Variants in ZNF507 observed in about 807,000 individuals in gnomAD.
The protein encoded by ZNF507 is zinc finger protein 507.
A neutral mutation model predicts 80.0 loss-of-function variants in ZNF507; 29 were observed. The observed-to-expected ratio is 0.36, with a 90% CI of 0.27 to 0.49. ZNF507 has a LOEUF of 0.49. Among genes scored for constraint, ZNF507 ranks in the 20% least tolerant of loss-of-function variants. ZNF507 has a pLI of 0.98. For synonymous variants in ZNF507, 462 were observed against 422.5 expected, an observed-to-expected ratio of 1.09 and a Z score of -1.15; for missense variants, 1,081 against 1,152.2, an observed-to-expected ratio of 0.94 and a Z score of 0.90.
At position 32,382,909 on chromosome 19, in the gene ZNF507, C is replaced by A. The variant is rs1967642865; in HGVS notation, c.2688C>A (p.Ile896=). The part of the protein sequence containing the change: ...TSNTSYSLEK[I]SSLAPPSMEY... ...ATACCTCATATAGTTTAGAAAAAATCTCCAGTCTGGCCCCTCCTAGCATGG... is the reference window on the plus strand; with the variant it reads ...ATACCTCATATAGTTTAGAAAAAATATCCAGTCTGGCCCCTCCTAGCATGG... Residue 896 remains isoleucine (I), a synonymous_variant, in exon 7 of 7, where the codon ATC becomes ATA. Transcript: ENST00000355898. 6 of 1,614,142 alleles carry A rather than the reference C, an allele frequency of 3.7e-6. No individual in the cohort carries two copies. In the South Asian group the frequency reaches 5.5e-5, roughly 15 times the overall value.
In ZNF507 at chr19:32,354,689, A is replaced by G; in HGVS notation, c.1859A>G (p.Asn620Ser). 1 of 1,614,180 alleles carries G rather than the reference A, an allele frequency of 6.2e-7. No individual in the cohort carries two copies. The highest frequency in any genetic ancestry group is 1.1e-5 in the South Asian group (1 of 91,080). Residue 620 changes from asparagine (N) to serine (S), a missense_variant, in exon 3 of 7, where the codon AAC (asparagine) becomes AGC (serine). Coordinates refer to ENST00000355898, the MANE Select transcript of ZNF507 (RefSeq NM_001136156.2). ...ELQDNAQCQP[N>S]SDTSLSGNNV... ...CAGGACAACGCCCAGTGCCAACCCA[A>G]CAGCGATACAAGTTTGTCCGGAAAC...
intron 5 of ZNF507, among the ~76,000 whole-genome samples, chr19:32,379,097 G>C (rs1967591208): frequency 6.6e-6 from 1 of 152,188 alleles, no homozygotes; most frequent in South Asian, 2.1e-4. Context: ...AGAGACATTT[G>C]AGCAGGGGAC....
intron 2 of ZNF507, among the ~76,000 whole-genome samples, chr19:32,349,503 G>A (rs746303842): frequency 5.3e-5 from 8 of 152,194 alleles, no homozygotes; most frequent in Non-Finnish European, 1.2e-4. Flanking sequence ...GTACCATTGC[G>A]TTGTTTAAAT....
At chr19:32,372,773 G>C (rs1967491801) in intron 5 of ZNF507, among the ~76,000 whole-genome samples, 1 of 151,256 alleles carries the variant, frequency 6.6e-6, no homozygotes, top group Non-Finnish European at 1.5e-5. Context: ...CCCAAACACA[G>C]AAACCTCCCA....
intron 5 of ZNF507, among the ~76,000 whole-genome samples, chr19:32,377,227 A>G (rs998230948): frequency 6.6e-6 from 1 of 152,002 alleles, no homozygotes; most frequent in African/African-American, 2.4e-5. Flanking sequence ...TTTCCTTGAC[A>G]CTGACGCTAC....
rs1466730196 is a variant in ZNF507, at chr19:32,386,675, C to G, written c.*3592C>G. ...ATGCCTTAAAGCGGAAACTCTAGGA[C>G]TGTGTTCATGGGAGAGCAGTTCATC... On this transcript the variant is annotated 3_prime_UTR_variant, in exon 7 of 7. Transcript: ENST00000355898. The G allele has an allele frequency of 6.6e-6, 1 of 152,602 alleles. No homozygotes were observed. The highest frequency in any genetic ancestry group is 1.5e-5 in the Non-Finnish European group (1 of 68,048). 9.5% of individuals were successfully genotyped at this position (152,602 alleles called of 1,614,324 possible). A position where few individuals can be genotyped will look rare whatever the true frequency, so the allele number is the denominator to read the frequency against.
rs968499107 is a variant in ZNF507 at position 32,386,256 on chromosome 19, T to C, written c.*3173T>C. ...TGGCTTCATAATTTTCTGTTTTTTT[T>C]CTCACAAAGTAAATGGTGGGCATCC... On this transcript the variant is annotated 3_prime_UTR_variant, in exon 7 of 7. Transcript: ENST00000355898. 5.2e-5 allele frequency: 8 copies of C among 152,636 alleles called. No individual in the cohort carries two copies. The highest frequency in any genetic ancestry group is 1.9e-4 in the East Asian group (1 of 5,196). The allele number at this position is 152,636 out of a possible 1,614,324, so 9.5% of individuals were successfully genotyped here.
intron 4 of ZNF507, chr19:32,359,627 C>G (rs1304173483): frequency 6.6e-6 from 1 of 152,220 alleles, no homozygotes; most frequent in East Asian, 1.9e-4. Context: ...CTTACCCCAA[C>G]TTGAATTACT....
At chr19:32,370,721 GAA>G (rs1226464777) in intron 5 of ZNF507, among the ~76,000 whole-genome samples, 3 of 152,158 alleles carry the variant, frequency 2.0e-5, no homozygotes, top group Admixed American at 2.0e-4. Context: ...TTGCTGTGCA[GAA>G]GTTTTTTGGT....
At chr19:32,349,249 T>A (rs979483283) in intron 2 of ZNF507, among the ~76,000 whole-genome samples, 2 of 152,200 alleles carry the variant, frequency 1.3e-5, no homozygotes, top group East Asian at 1.9e-4. Context: ...TTGGCTGACC[T>A]CAACCAGAAG....
At position 32,345,745 on chromosome 19, in the gene ZNF507, A is replaced by G. The variant is rs1269993175; in HGVS notation, c.-135A>G. On this transcript the variant is annotated 5_prime_UTR_variant, in exon 1 of 7. Transcript: ENST00000355898. ...GCACGGCCGGGTCCTGGCTGGCCAAACGAGGCTCGCGGAAGCAGCAGCCGC... is the reference window on the plus strand; with the variant it reads ...GCACGGCCGGGTCCTGGCTGGCCAAGCGAGGCTCGCGGAAGCAGCAGCCGC... The G allele has an allele frequency of 3.3e-5, 5 of 152,920 alleles. No individual in the cohort carries two copies. Among genetic ancestry groups the G allele is most frequent in the Non-Finnish European group, 7.3e-5 (5 of 68,468 alleles). 9.5% of individuals were successfully genotyped at this position (152,920 alleles called of 1,614,324 possible). A position where few individuals can be genotyped will look rare whatever the true frequency, so the allele number is the denominator to read the frequency against.
chr19:32,376,873 A>G (rs968715811), intron 5 of ZNF507, among the ~76,000 whole-genome samples: 1 of 152,152 alleles, frequency 6.6e-6, no homozygotes, highest in Non-Finnish European at 1.5e-5. Context: ...TCCACTGGAC[A>G]GGGGGCCCTT....
intron 5 of ZNF507, among the ~76,000 whole-genome samples, chr19:32,374,413 A>G (rs1436476549): frequency 2.7e-5 from 4 of 150,696 alleles, no homozygotes; most frequent in African/African-American, 4.9e-5. Flanking sequence ...GTTAAGGTAT[A>G]TCATTATATT....
chr19:32,380,355 CAA>C (rs994679479), intron 5 of ZNF507, among the ~76,000 whole-genome samples: 1 of 146,134 alleles, frequency 6.8e-6, no homozygotes, highest in African/African-American at 2.5e-5. Context: ...GACCCTGTCT[CAA>C]AAAAAAAAGA....
intron 2 of ZNF507, among the ~76,000 whole-genome samples, chr19:32,351,535 G>GGGGGGGGGAGC (rs901951859): frequency 2.6e-5 from 2 of 75,610 alleles, no homozygotes; most frequent in African/African-American, 5.5e-5. Context: ...CGTGGGGGCG[G>GGGGGGGGGAGC]GCGGGGCCTG....
intron 5 of ZNF507, among the ~76,000 whole-genome samples, chr19:32,378,428 T>C (rs1967581189): frequency 6.6e-6 from 1 of 152,136 alleles, no homozygotes; most frequent in African/African-American, 2.4e-5. Flanking sequence ...AAAGCCATGT[T>C]GTCCTGGATG....
chr19:32,352,071 G>GAA (rs58546902), intron 2 of ZNF507, among the ~76,000 whole-genome samples: 43 of 136,276 alleles, frequency 3.2e-4, no homozygotes, highest in Non-Finnish European at 4.2e-4. Flanking sequence ...CCCTTTCAGG[G>GAA]AAAAAAAAAA....
Position 32,353,656 on chromosome 19 carries a change from T to G in ZNF507, c.826T>G (p.Cys276Gly), listed in dbSNP as rs1163344320. 2 of 1,614,200 alleles carry G rather than the reference T, an allele frequency of 1.2e-6. No homozygotes were observed. The highest frequency in any genetic ancestry group is 1.7e-6 in the Non-Finnish European group (2 of 1,180,036). The change falls in exon 3 of 7, where the codon TGC becomes GGC. Residue 276 changes from cysteine to glycine, a missense_variant. Cys to Gly is a radical substitution (Grantham distance 159). Around this residue, in one of 6 missense-constraint regions of ZNF507, gnomAD observed 614 missense variants for 583.9 expected, o/e 1.05. Transcript: ENST00000355898. ...HAWKHAGEVD[C>G]SYPIFENENE... ...TTGGAAACATGCTGGGGAGGTTGAT[T>G]GCTCCTATCCAATCTTTGAAAATGA...
chr19:32,372,601 G>A (rs1378269869), intron 5 of ZNF507, among the ~76,000 whole-genome samples: 1 of 151,916 alleles, frequency 6.6e-6, no homozygotes, highest in Non-Finnish European at 1.5e-5. Flanking sequence ...AAAAAGGGGG[G>A]ACACATGCGA....
Sources: allele counts gnomAD v4.1 joint callset (sites outside exome capture counted in the v4.1 genomes callset), GRCh38; gene constraint gnomAD v4.1.1; regional missense constraint gnomAD v4.1.1; transcripts MANE v1.5; gene names NCBI Gene and HGNC (gene_info 2026-07-23, HGNC 2026-07-21).